KDM4C: variants seen among roughly 807,000 people sequenced by gnomAD.
KDM4C encodes the protein lysine demethylase 4C.
A neutral mutation model predicts 129.3 loss-of-function variants in KDM4C; 81 were observed. That is an observed-to-expected ratio of 0.63 (90% CI 0.52 to 0.75). KDM4C has a LOEUF of 0.75. KDM4C is among the 30% of genes least tolerant of loss of function. KDM4C has a pLI of 0.00. For synonymous variants in KDM4C, 573 were observed against 456.1 expected (o/e 1.26, Z -3.26); for missense variants, 1,457 against 1,304.0 (o/e 1.12, Z -1.81).
chr9:7,021,807 A>T (rs1239558540), intron 15 of KDM4C, among the ~76,000 whole-genome samples: 1 of 152,212 alleles, frequency 6.6e-6, no homozygotes, highest in African/African-American at 2.4e-5. Context: ...TTAAGTCTGC[A>T]GTCCATTTTG....
chr9:7,071,017 A>T (rs893619921), intron 17 of KDM4C, among the ~76,000 whole-genome samples: 4 of 152,212 alleles, frequency 2.6e-5, no homozygotes, highest in Admixed American at 2.6e-4. Flanking sequence ...CATTGTATTT[A>T]TGTATGCTAG....
intron 6 of KDM4C, among the ~76,000 whole-genome samples, chr9:6,886,286 A>T (rs1206442029): frequency 6.7e-6 from 1 of 150,188 alleles, no homozygotes; most frequent in Admixed American, 6.6e-5. Flanking sequence ...AAGAATTAAC[A>T]TTTCTCATGT....
At chr9:6,965,799 A>G (rs1371495754) in intron 8 of KDM4C, among the ~76,000 whole-genome samples, 1 of 152,002 alleles carries the variant, frequency 6.6e-6, no homozygotes, top group Non-Finnish European at 1.5e-5. Flanking sequence ...TGCTTTACTC[A>G]CTCTACTGAT....
intron 1 of KDM4C, chr9:6,735,155 C>T (rs1034907832): frequency 4.5e-6 from 1 of 224,190 alleles, no homozygotes; most frequent in African/African-American, 2.3e-5. Flanking sequence ...CCCGCCCCCA[C>T]CCCCCAGCAT....
chr9:6,859,591 C>G (rs1484006015), intron 5 of KDM4C, among the ~76,000 whole-genome samples: 1 of 142,124 alleles, frequency 7.0e-6, no homozygotes, highest in African/African-American at 2.6e-5. Flanking sequence ...TGGCTGGGCG[C>G]GGTGGCTCAC....
At chr9:7,141,971 A>AT (rs1841790295) in intron 19 of KDM4C, among the ~76,000 whole-genome samples, 1 of 152,206 alleles carries the variant, frequency 6.6e-6, no homozygotes. Flanking sequence ...ACTTTCACCC[A>AT]TTTGATAAAA....
At chr9:6,836,617 GT>G (rs1413331434) in intron 4 of KDM4C, among the ~76,000 whole-genome samples, 1 of 152,052 alleles carries the variant, frequency 6.6e-6, no homozygotes, top group Non-Finnish European at 1.5e-5. Flanking sequence ...GTAAAAAATA[GT>G]TTTCTCATGC....
At chr9:7,040,369 CTGTGTGTGTGTGTGTG>C (rs527776913) in intron 15 of KDM4C, among the ~76,000 whole-genome samples, 1 of 100,310 alleles carries the variant, frequency 1.0e-5, no homozygotes, top group Non-Finnish European at 2.4e-5. Flanking sequence ...CTACCCCACT[CTGTGTGTGTGTGTGTG>C]TGTGTGTGTG....
intron 8 of KDM4C, chr9:6,893,485 T>A (rs1258786407): frequency 7.1e-6 from 2 of 280,298 alleles, no homozygotes; most frequent in Non-Finnish European, 1.3e-5. Context: ...GACGTGTGTT[T>A]GCTTTTTATC....
At chr9:7,010,619 C>G (rs1217495430) in intron 12 of KDM4C, among the ~76,000 whole-genome samples, 3 of 152,216 alleles carry the variant, frequency 2.0e-5, no homozygotes, top group African/African-American at 4.8e-5. Context: ...AGCTTTTATT[C>G]TGGCCACTTG....
chr9:6,781,290 A>C (rs1824285642), intron 1 of KDM4C, among the ~76,000 whole-genome samples: 1 of 152,174 alleles, frequency 6.6e-6, no homozygotes, highest in East Asian at 1.9e-4. Context: ...AAATACTGAA[A>C]TGTTGCTCCT....
At chr9:6,971,223 G>A (rs1254144157) in intron 8 of KDM4C, among the ~76,000 whole-genome samples, 1 of 151,638 alleles carries the variant, frequency 6.6e-6, no homozygotes, top group African/African-American at 2.4e-5. Flanking sequence ...GCTTTTTTTT[G>A]GCTCTAGAAA....
chr9:6,879,509 TG>T (rs1254877971), intron 5 of KDM4C, among the ~76,000 whole-genome samples: 2 of 152,170 alleles, frequency 1.3e-5, no homozygotes, highest in African/African-American at 4.8e-5. Context: ...TAAGATTTGG[TG>T]GAAATATAAA....
At chr9:7,114,469 C>T (rs1044516412) in intron 18 of KDM4C, among the ~76,000 whole-genome samples, 5 of 152,120 alleles carry the variant, frequency 3.3e-5, no homozygotes, top group Non-Finnish European at 7.3e-5. Context: ...GCAATGTATT[C>T]GCATTTTCAT....
At chr9:7,071,586 C>G (rs887293326) in intron 17 of KDM4C, among the ~76,000 whole-genome samples, 3 of 152,120 alleles carry the variant, frequency 2.0e-5, no homozygotes, top group Non-Finnish European at 4.4e-5. Flanking sequence ...AAAATTGAAT[C>G]TTGATCCATA....
chr9:6,899,119 T>C (rs1816931298), intron 8 of KDM4C, among the ~76,000 whole-genome samples: 1 of 151,950 alleles, frequency 6.6e-6, no homozygotes, highest in Admixed American at 6.6e-5. Context: ...GATGGTACAG[T>C]GTAACAGAGC....
chr9:7,040,416 T>A (rs1828399372), intron 15 of KDM4C, among the ~76,000 whole-genome samples: 1 of 150,802 alleles, frequency 6.6e-6, no homozygotes, highest in Non-Finnish European at 1.5e-5. Context: ...CGTGTGTATG[T>A]GTCTGTGTGT....
At chr9:6,876,658 C>A (rs948297432) in intron 5 of KDM4C, among the ~76,000 whole-genome samples, 31 of 152,036 alleles carry the variant, frequency 2.0e-4, no homozygotes, top group Non-Finnish European at 8.8e-5. Context: ...CAAAGTAGTG[C>A]CGTGGTGTAG....
chr9:6,726,034 C>A (rs976867698), intron 1 of KDM4C, among the ~76,000 whole-genome samples: 1 of 151,966 alleles, frequency 6.6e-6, no homozygotes, highest in Non-Finnish European at 1.5e-5. Context: ...TCAAGCAATT[C>A]CCCTGCTTCA....
Sources: allele counts gnomAD v4.1 joint callset (sites outside exome capture counted in the v4.1 genomes callset), GRCh38; gene constraint gnomAD v4.1.1; transcripts MANE v1.5; gene names NCBI Gene and HGNC (gene_info 2026-07-23, HGNC 2026-07-21).